The following UBE2H variants were observed in gnomAD, a reference collection of about 807,000 sequenced individuals.
UBE2H encodes ubiquitin-conjugating enzyme E2 H.
Under a neutral mutation model 29.0 loss-of-function variants are expected in UBE2H, and 3 were observed. The ratio of observed to expected loss-of-function variants is 0.10; its 90% CI spans 0.05 to 0.27. UBE2H has a LOEUF of 0.27. UBE2H is among the 10% of genes least tolerant of loss of function. The pLI, the probability that UBE2H is intolerant of heterozygous loss-of-function variation, is 1.00. For missense variants in UBE2H, 68 were observed against 228.2 expected (o/e 0.30, Z 4.52); for synonymous variants, 69 against 82.9 (o/e 0.83, Z 0.91).
At chr7:129,949,837 A>C (rs1050376777) in intron 1 of UBE2H, among the ~76,000 whole-genome samples, 5 of 152,200 alleles carry the variant, frequency 3.3e-5, no homozygotes, top group African/African-American at 1.2e-4. Context: ...GAGACATCCA[A>C]AAATGGGCTG....
intron 1 of UBE2H, among the ~76,000 whole-genome samples, chr7:129,903,674 G>C (rs977570741): frequency 6.6e-6 from 1 of 152,208 alleles, no homozygotes; most frequent in African/African-American, 2.4e-5. Flanking sequence ...CAAGGCAGGA[G>C]GACTGCTTGA....
chr7:129,924,722 T>C (rs1207742096), intron 1 of UBE2H, among the ~76,000 whole-genome samples: 1 of 151,896 alleles, frequency 6.6e-6, no homozygotes, highest in Non-Finnish European at 1.5e-5. Context: ...TAAAATCATC[T>C]AAACCAACTC....
intron 3 of UBE2H, among the ~76,000 whole-genome samples, chr7:129,870,959 C>G (rs1806017939): frequency 6.6e-6 from 1 of 152,158 alleles, no homozygotes; most frequent in African/African-American, 2.4e-5. Context: ...TTTGGAGGAT[C>G]AGGGCTGGTT....
chr7:129,868,135 A>T (rs546116837), intron 3 of UBE2H, among the ~76,000 whole-genome samples: 2 of 152,340 alleles, frequency 1.3e-5, no homozygotes, highest in South Asian at 4.1e-4. Context: ...AAAGAAATAG[A>T]TTTAATGCCA....
At chr7:129,946,833 T>C (rs1338442028) in intron 1 of UBE2H, among the ~76,000 whole-genome samples, 3 of 152,348 alleles carry the variant, frequency 2.0e-5, no homozygotes, top group African/African-American at 4.8e-5. Context: ...CTAAGTTCTT[T>C]TAAGTATTTT....
intron 3 of UBE2H, among the ~76,000 whole-genome samples, chr7:129,877,218 T>A (rs1273784121): frequency 1.3e-5 from 2 of 152,224 alleles, no homozygotes; most frequent in Non-Finnish European, 2.9e-5. Flanking sequence ...AGATGTTTGA[T>A]CTAAATTTGC....
At chr7:129,941,214 T>C (rs1807635375) in intron 1 of UBE2H, among the ~76,000 whole-genome samples, 2 of 152,020 alleles carry the variant, frequency 1.3e-5, no homozygotes, top group African/African-American at 4.8e-5. Flanking sequence ...GGCTAATTTT[T>C]TGTATTTTAG....
intron 5 of UBE2H, among the ~76,000 whole-genome samples, chr7:129,843,941 A>G (rs1387473582): frequency 2.0e-5 from 3 of 152,210 alleles, no homozygotes; most frequent in Non-Finnish European, 4.4e-5. Flanking sequence ...GAGAAATATC[A>G]CAGACAACGT....
chr7:129,880,825 CTT>C, intron 2 of UBE2H, 68 bp downstream of exon 2: 2 of 1,415,102 alleles, frequency 1.4e-6, no homozygotes, highest in Middle Eastern at 1.8e-4. Flanking sequence ...TACCATCTGT[CTT>C]TGATATTCTA....
intron 5 of UBE2H, among the ~76,000 whole-genome samples, chr7:129,854,071 T>TTTTTTTATTTTTTTTTATTTA (rs1563022999): frequency 1.7e-4 from 25 of 149,908 alleles, no homozygotes; most frequent in Non-Finnish European, 3.0e-5. Context: ...TTTTTTTTTT[T>TTTTTTTATTTTTTTTTATTTA]TTTTTTTTTT....
intron 3 of UBE2H, among the ~76,000 whole-genome samples, chr7:129,867,159 ATATT>A (rs977299686): frequency 1.3e-5 from 2 of 152,252 alleles, no homozygotes; most frequent in African/African-American, 4.8e-5. Context: ...TTTATTTTTA[ATATT>A]TATTATTTGT....
chr7:129,944,726 ACACACACACACACACACACACACACG>A (rs1213608666), intron 1 of UBE2H, among the ~76,000 whole-genome samples: 5 of 106,646 alleles, frequency 4.7e-5, no homozygotes, highest in Non-Finnish European at 8.4e-5. Flanking sequence ...ACACACACAC[ACACACACACACACACACACACACACG>A]CACGCACGCA....
chr7:129,884,047 A>C (rs1370025073), intron 1 of UBE2H, among the ~76,000 whole-genome samples: 3 of 150,214 alleles, frequency 2.0e-5, no homozygotes, highest in Non-Finnish European at 4.4e-5. Flanking sequence ...AGTGAGCCAA[A>C]ATTGCACCAC....
chr7:129,865,753 G>C (rs1434650211), intron 3 of UBE2H, among the ~76,000 whole-genome samples: 1 of 152,194 alleles, frequency 6.6e-6, no homozygotes, highest in East Asian at 1.9e-4. Flanking sequence ...CCCACATAAA[G>C]TAGACTGTTC....
At chr7:129,934,911 G>A (rs1016498789) in intron 1 of UBE2H, among the ~76,000 whole-genome samples, 8 of 135,928 alleles carry the variant, frequency 5.9e-5, no homozygotes, top group African/African-American at 2.2e-4. Flanking sequence ...GTATATATAT[G>A]TGTGTGTGTA....
chr7:129,900,826 C>T (rs1806698092), intron 1 of UBE2H, among the ~76,000 whole-genome samples: 3 of 150,838 alleles, frequency 2.0e-5, no homozygotes, highest in Admixed American at 1.3e-4. Flanking sequence ...TCTCCACTCA[C>T]TGCAAGCTCC....
chr7:129,909,013 A>C (rs1484190550), intron 1 of UBE2H, among the ~76,000 whole-genome samples: 1 of 152,192 alleles, frequency 6.6e-6, no homozygotes, highest in East Asian at 1.9e-4. Context: ...CTTTTATCTG[A>C]AGTACACTAT....
intron 1 of UBE2H, among the ~76,000 whole-genome samples, chr7:129,889,911 G>T (rs1806438777): frequency 6.6e-6 from 1 of 152,074 alleles, no homozygotes; most frequent in Non-Finnish European, 1.5e-5. Flanking sequence ...GATCACATGA[G>T]CCCAGGAGTT....
At chr7:129,835,439 A>G (rs1295623915) in intron 6 of UBE2H, among the ~76,000 whole-genome samples, 1 of 152,176 alleles carries the variant, frequency 6.6e-6, no homozygotes, top group Non-Finnish European at 1.5e-5. Context: ...AGTAATTTAT[A>G]AGGAAATCCT....
Sources: allele counts gnomAD v4.1 joint callset (sites outside exome capture counted in the v4.1 genomes callset), GRCh38; gene constraint gnomAD v4.1.1; transcripts MANE v1.5; gene names NCBI Gene and HGNC (gene_info 2026-07-23, HGNC 2026-07-21).